GALNT13: variants seen among roughly 807,000 people sequenced by gnomAD.
GALNT13 encodes UDP-GalNAc:polypeptide N-acetylgalactosaminyltransferase 13.
In GALNT13, 28 loss-of-function variants were observed where a neutral mutation model predicts 64.2. The observed-to-expected ratio is 0.44, with a 90% CI of 0.32 to 0.60. The LOEUF is 0.60. Ranked by LOEUF, GALNT13 falls within the 20% of genes least tolerant of loss-of-function variation. GALNT13 has a pLI of 0.05. For missense variants in GALNT13, 577 were observed against 669.8 expected (o/e 0.86, Z 1.53); for synonymous variants, 214 against 224.6 (o/e 0.95, Z 0.42).
the GALNT13 span, among the ~76,000 whole-genome samples, chr2:153,562,029 CCTCTCTCTCTCTTTCT>C: frequency 8.4e-6 from 1 of 118,428 alleles, no homozygotes; most frequent in African/African-American, 3.5e-5. Context: ...CCCTCCCTCT[CCTCTCTCTCTCTTTCT>C]CTCTCTCTCT....
intron 9 of GALNT13, among the ~76,000 whole-genome samples, chr2:154,390,091 T>C (rs1698713449): frequency 6.6e-6 from 1 of 152,182 alleles, no homozygotes; most frequent in South Asian, 2.1e-4. Context: ...AAAAAAATCA[T>C]AAATATCAGT....
At chr2:153,240,238 T>C in the GALNT13 span, among the ~76,000 whole-genome samples, 266 of 152,330 alleles carry the variant, frequency 1.7e-3, 1 homozygote, top group African/African-American at 6.2e-3. Context: ...TAAAGATTAA[T>C]CAATTTTGTT....
chr2:153,421,579 A>G, the GALNT13 span: 1 of 237,790 alleles, frequency 4.2e-6, no homozygotes, highest in African/African-American at 2.3e-5. Context: ...AGAAGCCCTG[A>G]AGACCTGTGC....
chr2:153,435,033 C>A, the GALNT13 span, among the ~76,000 whole-genome samples: 1 of 152,194 alleles, frequency 6.6e-6, no homozygotes, highest in African/African-American at 2.4e-5. Context: ...GATCCAGTTT[C>A]AGCTTTCTAC....
chr2:153,499,936 A>C, the GALNT13 span, among the ~76,000 whole-genome samples: 6 of 151,386 alleles, frequency 4.0e-5, no homozygotes, highest in African/African-American at 1.5e-4. Context: ...GGCTCCCACA[A>C]CTCCCAACTT....
intron 8 of GALNT13, among the ~76,000 whole-genome samples, chr2:154,295,205 A>T: frequency 6.6e-6 from 1 of 152,300 alleles, no homozygotes; most frequent in Non-Finnish European, 1.5e-5. Flanking sequence ...GTCTGAATTT[A>T]GTGGAGTACA....
chr2:153,823,233 C>G, the GALNT13 span, among the ~76,000 whole-genome samples: 45 of 152,260 alleles, frequency 3.0e-4, no homozygotes, highest in African/African-American at 1.0e-3. Context: ...CTATTCCTAT[C>G]AAGCTACCAA....
At chr2:153,266,661 T>A in the GALNT13 span, among the ~76,000 whole-genome samples, 7 of 152,198 alleles carry the variant, frequency 4.6e-5, no homozygotes, top group South Asian at 6.2e-4. Context: ...CATGAGAACA[T>A]CATGGGGAAA....
At chr2:153,073,621 G>C in the GALNT13 span, among the ~76,000 whole-genome samples, 1 of 151,900 alleles carries the variant, frequency 6.6e-6, no homozygotes, top group Non-Finnish European at 1.5e-5. Context: ...TATCTGTGAA[G>C]GTTTCCCTAT....
chr2:153,783,591 A>C, the GALNT13 span, among the ~76,000 whole-genome samples: 2 of 152,112 alleles, frequency 1.3e-5, no homozygotes, highest in Non-Finnish European at 2.9e-5. Context: ...GGCCAAGCTT[A>C]TAGGGTTTCG....
chr2:154,082,148 G>A (rs1449190582), intron 3 of GALNT13, among the ~76,000 whole-genome samples: 2 of 151,506 alleles, frequency 1.3e-5, no homozygotes, highest in Admixed American at 6.6e-5. Flanking sequence ...TTTCTCCTTT[G>A]TTTTTTAAAA....
the GALNT13 span, among the ~76,000 whole-genome samples, chr2:153,200,115 T>C: frequency 6.6e-6 from 1 of 152,158 alleles, no homozygotes; most frequent in Non-Finnish European, 1.5e-5. Flanking sequence ...ACTTTGGAGT[T>C]GATGGATAAT....
At chr2:153,086,925 C>T in the GALNT13 span, among the ~76,000 whole-genome samples, 8,371 of 152,030 alleles carry the variant, frequency 0.055, 417 homozygotes, top group African/African-American at 0.14. Flanking sequence ...ATACCATCAG[C>T]GAACAGTGAC....
At chr2:153,407,645 G>C in the GALNT13 span, among the ~76,000 whole-genome samples, 1 of 152,210 alleles carries the variant, frequency 6.6e-6, no homozygotes, top group Non-Finnish European at 1.5e-5. Flanking sequence ...ATTAGATTTA[G>C]ATAAGTTGTT....
chr2:154,167,162 A>C (rs2105687319), intron 4 of GALNT13, among the ~76,000 whole-genome samples: 1 of 152,290 alleles, frequency 6.6e-6, no homozygotes, highest in South Asian at 2.1e-4. Flanking sequence ...AGAAAAATAA[A>C]TAAATAAATA....
the GALNT13 span, among the ~76,000 whole-genome samples, chr2:153,854,666 G>T: frequency 6.6e-6 from 1 of 151,968 alleles, no homozygotes; most frequent in East Asian, 1.9e-4. Flanking sequence ...TTAAAATAAG[G>T]CAAGGAAACA....
the GALNT13 span, among the ~76,000 whole-genome samples, chr2:153,082,740 ATATT>A: frequency 6.9e-5 from 10 of 144,808 alleles, 1 homozygote; most frequent in African/African-American, 2.5e-4. Flanking sequence ...GTTTATATAT[ATATT>A]ATTTATTGAA....
chr2:153,730,667 C>T, the GALNT13 span, among the ~76,000 whole-genome samples: 6 of 151,700 alleles, frequency 4.0e-5, no homozygotes, highest in Admixed American at 6.6e-5. Flanking sequence ...GAACTGCTAT[C>T]CAGAATCTAC....
chr2:154,061,166 A>G (rs942015160), intron 3 of GALNT13, among the ~76,000 whole-genome samples: 1 of 152,120 alleles, frequency 6.6e-6, no homozygotes, highest in Non-Finnish European at 1.5e-5. Context: ...ATTTTACTCC[A>G]TATACTTTAT....
Sources: gnomAD v4.1 joint callset for allele counts (sites outside exome capture counted in the v4.1 genomes callset) on GRCh38, gnomAD v4.1.1 for gene constraint, MANE v1.5 for transcripts, NCBI Gene and HGNC (gene_info 2026-07-23, HGNC 2026-07-21) for gene names.